HIVEP1: variants seen among roughly 807,000 people sequenced by gnomAD.
HIVEP1 encodes HIVEP zinc finger 1, also known as zinc finger protein 40.
In HIVEP1, 36 loss-of-function variants were observed where a neutral mutation model predicts 180.0. The observed-to-expected ratio is 0.20, with a 90% CI of 0.15 to 0.26. The LOEUF is 0.26. Among genes scored for constraint, HIVEP1 ranks in the 10% least tolerant of loss-of-function variants. HIVEP1 has a pLI of 1.00. For missense variants in HIVEP1, 3,143 were observed against 3,268.7 expected (o/e 0.96, Z 0.94); for synonymous variants, 1,239 against 1,239.0 (o/e 1.00, Z 0.00).
At chr6:12,079,723 C>T (rs1404698885) in intron 2 of HIVEP1, among the ~76,000 whole-genome samples, 2 of 152,048 alleles carry the variant, frequency 1.3e-5, no homozygotes, top group East Asian at 3.9e-4. Flanking sequence ...GGGGTGCAGC[C>T]TGAGTATCAA....
In HIVEP1 at chr6:12,120,075, C is replaced by G. The variant is rs375624489; in HGVS notation, c.280C>G (p.His94Asp). 2 of 1,612,926 alleles carry G rather than the reference C, an allele frequency of 1.2e-6. No individual in the cohort carries two copies. Among genetic ancestry groups the G allele is most frequent in the Admixed American group, 3.3e-5 (2 of 59,716 alleles). The part of the protein sequence containing the change: ...FAVLHSASES[H>D]KKQNYIPVKN... ...CGTTCTTCATAGTGCTTCGGAGTCT[C>G]ACAAGAAACAGAATTATATTCCTGT... Residue 94 changes from histidine to aspartate, a missense_variant, in exon 4 of 9, where the codon CAC becomes GAC. Transcript: ENST00000379388.
At chr6:12,011,596 C>T (rs1229777287), upstream of HIVEP1, among the ~76,000 whole-genome samples, 7 of 149,936 alleles carry the variant, frequency 4.7e-5, no homozygotes, top group Admixed American at 2.6e-4. Context: ...GCGCTGCCAC[C>T]TCCTCCCGCG....
chr6:12,070,789 C>T (rs567278447), intron 2 of HIVEP1, among the ~76,000 whole-genome samples: 19 of 152,276 alleles, frequency 1.2e-4, no homozygotes, highest in African/African-American at 4.6e-4. Flanking sequence ...TCCACTCAAC[C>T]GCCTCCATGA....
In HIVEP1 at chr6:12,164,093, A is replaced by T. The variant is rs1173783708; in HGVS notation, c.7789A>T (p.Thr2597Ser). The change falls in exon 9 of 9, where the codon ACC (threonine) becomes TCC (serine). Residue 2597 changes from threonine (T) to serine (S), a missense_variant. By Grantham distance (58) the Thr-to-Ser change is moderately conservative. Transcript: ENST00000379388. ...SVASANQVSR[T>S]ESPQGLPTVQ... is the part of the protein sequence containing the mutation. ...AGCCAGCGCAAACCAGGTCAGCAGG[A>T]CCGAGTCTCCTCAGGGGTTACCTAC... The T allele has an allele frequency of 2.5e-6, 4 of 1,614,190 alleles. No individual in the cohort carries two copies. In the South Asian group the frequency reaches 4.4e-5, roughly 18 times the overall value.
At position 12,123,305 on chromosome 6, in the gene HIVEP1, G is replaced by T. The variant is rs34258344; in HGVS notation, c.3510G>T (p.Lys1170Asn). ...TCCAGGAGCTGAATAGAACGGGGAA[G>T]TCCGGGTCTCTAAAAGTGATAGGAA... is the stretch of plus-strand genomic sequence containing the variant. ...VSFQELNRTG[K>N]SGSLKVIGIS... Residue 1170 changes from lysine to asparagine, a missense_variant, in exon 4 of 9, where the codon AAG becomes AAT. Coordinates refer to ENST00000379388, the MANE Select transcript of HIVEP1 (RefSeq NM_002114.4). 0.044 allele frequency: 70,905 copies of T among 1,614,066 alleles called. 1,717 individuals carry two copies. Among genetic ancestry groups the T allele is most frequent in the African/African-American group, 0.073 (5,444 of 75,008 alleles).
Position 12,138,214 on chromosome 6 carries a change from T to A in HIVEP1, c.6487+2322T>A, listed in dbSNP as rs555140183. Among the ~76,000 whole-genome samples the A allele has an allele frequency of 4.6e-5, 7 of 152,382 alleles. No individual in the cohort carries two copies. In the East Asian group the frequency reaches 1.3e-3, roughly 29 times the overall value. On this transcript the variant is annotated intron_variant, in intron 7 of 8. Transcript: ENST00000379388. ...TGTAGATACCTAGATATTTGCTTTA[T>A]AATTTTACATTGTTCTCCAGAAGAG...
At chr6:12,037,334 A>G (rs774100803) in intron 2 of HIVEP1, among the ~76,000 whole-genome samples, 21 of 152,334 alleles carry the variant, frequency 1.4e-4, no homozygotes, top group Middle Eastern at 3.4e-3. Flanking sequence ...TTTAGTAAAC[A>G]TAAGTGTAGA....
chr6:12,064,661 A>G (rs1329857350), intron 2 of HIVEP1, among the ~76,000 whole-genome samples: 2 of 152,108 alleles, frequency 1.3e-5, no homozygotes, highest in Non-Finnish European at 2.9e-5. Flanking sequence ...AGCCCAAGAG[A>G]AGACAAAAGG....
In HIVEP1 at chr6:12,119,968, A is replaced by G. The variant is rs758388360; in HGVS notation, c.173A>G (p.His58Arg). 14 of 1,611,058 alleles carry G rather than the reference A, an allele frequency of 8.7e-6. No homozygotes were observed. The Admixed American group carries it at 2.2e-4, about 25-fold the overall frequency. The change falls in exon 4 of 9, where the codon CAC (histidine) becomes CGC (arginine). Residue 58 changes from histidine to arginine, a missense_variant. By Grantham distance (29) the His-to-Arg change is conservative. Coordinates refer to ENST00000379388, the MANE Select transcript of HIVEP1 (RefSeq NM_002114.4). Reference sequence around the variant, plus strand: ...CGCAAAAAGATCGTAGCTGAGAATCACCTGAAAAAAATACCAAAATCCCCA... The same window carrying G: ...CGCAAAAAGATCGTAGCTGAGAATCGCCTGAAAAAAATACCAAAATCCCCA... ...VKRKKIVAEN[H>R]LKKIPKSPLR...
intron 7 of HIVEP1, among the ~76,000 whole-genome samples, chr6:12,158,314 G>A (rs1760180872): frequency 6.6e-6 from 1 of 152,150 alleles, no homozygotes; most frequent in African/African-American, 2.4e-5. Context: ...CTAGGTTTGA[G>A]AGATTTGTTG....
intron 7 of HIVEP1, among the ~76,000 whole-genome samples, chr6:12,159,349 T>G (rs911489406): frequency 3.3e-5 from 5 of 152,118 alleles, no homozygotes; most frequent in African/African-American, 1.2e-4. Flanking sequence ...TTCAGTTCTC[T>G]TTAGTCTTTT....
chr6:12,195,205 C>A, the HIVEP1 span, among the ~76,000 whole-genome samples: 1 of 152,312 alleles, frequency 6.6e-6, no homozygotes, highest in African/African-American at 2.4e-5. Flanking sequence ...CAAAGTTGGA[C>A]GAATCTAGCT....
Position 12,121,133 on chromosome 6 carries a change from A to G in HIVEP1, c.1338A>G (p.Lys446=). ...CVTCGFSFKT[K]SNLYKHKKSH... is the part of the protein sequence containing the mutation. ...CTTGTGGATTTTCATTTAAGACTAA[A>G]AGTAATCTGTATAAGCACAAGAAAT... The change falls in exon 4 of 9, where the codon AAA becomes AAG. Residue 446 remains lysine (K), a synonymous_variant. Transcript: ENST00000379388. The surrounding 1 kb of genome is among the most constrained non-coding windows in gnomAD (Gnocchi z 5.3). The G allele has an allele frequency of 6.2e-7, 1 of 1,614,150 alleles. No individual in the cohort carries two copies. The highest frequency in any genetic ancestry group is 8.5e-7 in the Non-Finnish European group (1 of 1,180,020).
chr6:12,019,126 A>C (rs919330097), intron 2 of HIVEP1, among the ~76,000 whole-genome samples: 4 of 152,178 alleles, frequency 2.6e-5, no homozygotes, highest in Non-Finnish European at 5.9e-5. Flanking sequence ...AAGCCACCTC[A>C]GTGGGACTTC....
At chr6:12,038,998 AGAAT>A in intron 2 of HIVEP1, 1 of 152,326 alleles carries the variant, frequency 6.6e-6, no homozygotes, top group South Asian at 2.1e-4. Context: ...ACAGGCACAT[AGAAT>A]GAATGTTGTT....
At chr6:12,148,015 C>T (rs1386023327) in intron 7 of HIVEP1, among the ~76,000 whole-genome samples, 1 of 152,156 alleles carries the variant, frequency 6.6e-6, no homozygotes, top group Non-Finnish European at 1.5e-5. Context: ...CCCCAATCAA[C>T]TCTATAAGAA....
the HIVEP1 span, among the ~76,000 whole-genome samples, chr6:12,209,899 G>A: frequency 6.6e-6 from 1 of 152,202 alleles, no homozygotes; most frequent in Non-Finnish European, 1.5e-5. Flanking sequence ...AGAGTAGGCA[G>A]TGATAAAGCT....
At chr6:12,108,694 G>A (rs553953533) in intron 3 of HIVEP1, among the ~76,000 whole-genome samples, 5 of 152,194 alleles carry the variant, frequency 3.3e-5, no homozygotes, top group Admixed American at 2.0e-4. Context: ...TGCGGGGCCC[G>A]CCAAGCCCAC....
intron 2 of HIVEP1, among the ~76,000 whole-genome samples, chr6:12,056,381 C>G (rs1054798390): frequency 2.0e-5 from 3 of 152,058 alleles, no homozygotes; most frequent in Non-Finnish European, 4.4e-5. Flanking sequence ...TTCCTTCAGT[C>G]GAATTCATAG....
Sources: gnomAD v4.1 joint callset for allele counts (sites outside exome capture counted in the v4.1 genomes callset) on GRCh38, gnomAD v4.1.1 for gene constraint, Gnocchi (gnomAD v3.1) non-coding constraint, MANE v1.5 for transcripts, NCBI Gene and HGNC (gene_info 2026-07-23, HGNC 2026-07-21) for gene names.